The following ZNF652 variants were observed in gnomAD, a reference collection of about 807,000 sequenced individuals.
ZNF652 encodes zinc finger protein 652.
Under a neutral mutation model 45.2 loss-of-function variants are expected in ZNF652, and 16 were observed. The ratio of observed to expected loss-of-function variants is 0.35; its 90% CI spans 0.24 to 0.54. The LOEUF (loss-of-function observed/expected upper bound fraction) is 0.54. ZNF652 is among the 20% of genes least tolerant of loss of function. The pLI is 0.91. For missense variants in ZNF652, 614 were observed against 765.6 expected (o/e 0.80, Z 2.34); for synonymous variants, 250 against 260.6 (o/e 0.96, Z 0.39).
At chr17:49,342,186 C>CA (rs145479796) in intron 1 of ZNF652, among the ~76,000 whole-genome samples, 2,788 of 110,770 alleles carry the variant, frequency 0.025, 37 homozygotes, top group Non-Finnish European at 0.036. Flanking sequence ...GACTCAGTCT[C>CA]AAAAAAAAAA....
intron 1 of ZNF652, among the ~76,000 whole-genome samples, chr17:49,358,587 C>T (rs1406868278): frequency 2.0e-5 from 3 of 152,134 alleles, no homozygotes; most frequent in Non-Finnish European, 4.4e-5. Flanking sequence ...AGGGTGACTT[C>T]AAAAGTTCAC....
rs551063962 is a variant in ZNF652, at chr17:49,341,327, A to G, written c.-259+20582T>C. On this transcript the variant is annotated intron_variant, in intron 1 of 5. Transcript: ENST00000430262. The stretch of plus-strand genomic sequence containing the variant: ...CATTTCAGAGCACATCAACTGAAAA[A>G]AAAAAAGATGGATGGCCTGACAAGG... Among the ~76,000 whole-genome samples, 21 of 152,052 alleles carry G rather than the reference A, an allele frequency of 1.4e-4. No homozygotes were observed. The South Asian group carries it at 3.7e-3, about 27-fold the overall frequency.
intron 1 of ZNF652, among the ~76,000 whole-genome samples, chr17:49,331,117 G>A (rs2070019051): frequency 7.2e-6 from 1 of 139,362 alleles, no homozygotes. Flanking sequence ...GCTTATGAAT[G>A]TGTCTTTTTT....
intron 1 of ZNF652, among the ~76,000 whole-genome samples, chr17:49,338,170 C>T (rs1019606967): frequency 6.7e-6 from 1 of 149,526 alleles, no homozygotes; most frequent in African/African-American, 2.5e-5. Context: ...TTGGTAGAGA[C>T]GGAGTCTTAC....
intron 1 of ZNF652, among the ~76,000 whole-genome samples, chr17:49,333,642 C>T (rs1286587587): frequency 1.4e-5 from 2 of 146,016 alleles, no homozygotes; most frequent in Admixed American, 6.9e-5. Flanking sequence ...ATGGTGTGAA[C>T]CCAGGAGGCG....
In ZNF652 at chr17:49,292,352, T is replaced by C. The variant is rs1014967385; in HGVS notation, c.*6061A>G. Among the ~76,000 whole-genome samples the C allele has an allele frequency of 6.6e-6, 1 of 152,188 alleles. No individual in the cohort carries two copies. The highest frequency in any genetic ancestry group is 2.1e-4 in the South Asian group (1 of 4,834). ...GTTTCATCACGGAGGTGCTCGATCA[T>C]ATTATATAAAACACTGCAACCTCCT... On this transcript the variant is annotated 3_prime_UTR_variant, in exon 6 of 6. Coordinates refer to ENST00000430262, the MANE Select transcript of ZNF652 (RefSeq NM_001145365.3).
At chr17:49,326,496 A>G (rs1178619448) in intron 1 of ZNF652, among the ~76,000 whole-genome samples, 1 of 152,164 alleles carries the variant, frequency 6.6e-6, no homozygotes, top group Non-Finnish European at 1.5e-5. Context: ...CCCCCATTGT[A>G]TATTTTGGAC....
chr17:49,322,721 T>C (rs2069909219), intron 1 of ZNF652, among the ~76,000 whole-genome samples: 1 of 152,036 alleles, frequency 6.6e-6, no homozygotes. Context: ...CCGTCTCTAC[T>C]AAAAATACAA....
At chr17:49,316,559 G>A (rs2069807090) in intron 2 of ZNF652, among the ~76,000 whole-genome samples, 1 of 152,226 alleles carries the variant, frequency 6.6e-6, no homozygotes, top group African/African-American at 2.4e-5. Flanking sequence ...TGCAAAGTTG[G>A]TGTTGATTTT....
At position 49,362,164 on chromosome 17, in the gene ZNF652, CG is replaced by C; in HGVS notation, c.-515del. On this transcript the variant is annotated 5_prime_UTR_variant, in exon 1 of 6. Coordinates refer to ENST00000430262, the MANE Select transcript of ZNF652 (RefSeq NM_001145365.3). ...AGCGCGCGAGGGCGAGCGGGGCCGGCGGGGCGGGCAGCGCGGGGCGGGCGGC... is the reference window on the plus strand; with the variant it reads ...AGCGCGCGAGGGCGAGCGGGGCCGGCGGGCGGGCAGCGCGGGGCGGGCGGC... 6.7e-6 allele frequency: 1 copy of C among 149,970 alleles called. No individual in the cohort carries two copies. Among genetic ancestry groups the C allele is most frequent in the South Asian group, 1.8e-4 (1 of 5,466 alleles). 9.3% of individuals were successfully genotyped at this position (149,970 alleles called of 1,614,324 possible). A position where few individuals can be genotyped will look rare whatever the true frequency, so the allele number is the denominator to read the frequency against.
In ZNF652 at chr17:49,293,659, A is replaced by T. The variant is rs34336566; in HGVS notation, c.*4754T>A. ...TGGCTTATGACCTTTCATTCCTAAAAAAAAAAAAAAAAAAAAAAAAAAAAA... is the reference window on the plus strand; with the variant it reads ...TGGCTTATGACCTTTCATTCCTAAATAAAAAAAAAAAAAAAAAAAAAAAAA... On this transcript the variant is annotated 3_prime_UTR_variant, in exon 6 of 6. Transcript: ENST00000430262. Among the ~76,000 whole-genome samples, 5 of 43,374 alleles carry T rather than the reference A, an allele frequency of 1.2e-4. No individual in the cohort carries two copies. The highest frequency in any genetic ancestry group is 2.3e-4 in the Non-Finnish European group (5 of 21,842). 28.5% of individuals were successfully genotyped at this position (43,374 alleles called of 152,430 possible). A position where few individuals can be genotyped will look rare whatever the true frequency, so the allele number is the denominator to read the frequency against.
At chr17:49,308,801 C>CA (rs79308997) in intron 5 of ZNF652, among the ~76,000 whole-genome samples, 1,243 of 85,080 alleles carry the variant, frequency 0.015, 8 homozygotes, top group African/African-American at 0.035. Flanking sequence ...TAGTCCGTCT[C>CA]AAAAAAAAAA....
At chr17:49,327,766 TATATATATATATA>T (rs1488806348) in intron 1 of ZNF652, among the ~76,000 whole-genome samples, 143 of 5,868 alleles carry the variant, frequency 0.024, 5 homozygotes, top group African/African-American at 0.091. Context: ...TATATATATA[TATATATATATATA>T]TTTTTTTTTT....
At chr17:49,319,569 A>T (rs1183673012) in intron 1 of ZNF652, among the ~76,000 whole-genome samples, 1 of 134,912 alleles carries the variant, frequency 7.4e-6, no homozygotes, top group Admixed American at 8.3e-5. Flanking sequence ...GGAGGCGGAG[A>T]TTGTAATGAG....
intron 1 of ZNF652, among the ~76,000 whole-genome samples, chr17:49,352,270 C>T (rs1598318168): frequency 6.6e-6 from 1 of 151,152 alleles, no homozygotes; most frequent in African/African-American, 2.4e-5. Context: ...GCAAACAAAT[C>T]TCTCGTCTTC....
At chr17:49,330,783 G>A (rs1004671106) in intron 1 of ZNF652, among the ~76,000 whole-genome samples, 3 of 152,050 alleles carry the variant, frequency 2.0e-5, no homozygotes, top group Admixed American at 6.6e-5. Context: ...GGGCACAGTG[G>A]CTGACACCTG....
At chr17:49,338,277 C>T (rs2143871171) in intron 1 of ZNF652, among the ~76,000 whole-genome samples, 1 of 152,120 alleles carries the variant, frequency 6.6e-6, no homozygotes, top group African/African-American at 2.4e-5. Context: ...TCAGCCACTG[C>T]ACTCCACCAG....
rs749317981 is a variant in ZNF652, at chr17:49,298,657, G to C, written c.1577C>G (p.Pro526Arg). The C allele has an allele frequency of 3.1e-6, 5 of 1,613,944 alleles. No homozygotes were observed. Among genetic ancestry groups the C allele is most frequent in the Non-Finnish European group, 4.2e-6 (5 of 1,179,992 alleles). The change falls in exon 6 of 6, where the codon CCA becomes CGA. Residue 526 changes from proline to arginine, a missense_variant. Physicochemically the swap from Pro to Arg is moderately radical, Grantham distance 103 (BLOSUM62 -2). Around this residue, in one of 5 missense-constraint regions of ZNF652, gnomAD observed 132 missense variants for 137.2 expected, o/e 0.96. Coordinates refer to ENST00000430262, the MANE Select transcript of ZNF652 (RefSeq NM_001145365.3). ...AGGATTCATATTGATTGGAGGGGTT[G>C]GGGTTGTGGCTGTGTTCACCACAGA... ...VPSVVNTATT[P>R]TPPINMNPVS...
At chr17:49,356,428 G>GAAAA (rs1491432973) in intron 1 of ZNF652, among the ~76,000 whole-genome samples, 5 of 4,648 alleles carry the variant, frequency 1.1e-3, no homozygotes, top group Non-Finnish European at 2.0e-3. Flanking sequence ...GACTCTGTCT[G>GAAAA]CAAAAAAAAA....
Sources: gnomAD v4.1 joint callset for allele counts (sites outside exome capture counted in the v4.1 genomes callset) on GRCh38, gnomAD v4.1.1 for gene constraint, gnomAD v4.1.1 regional missense constraint, MANE v1.5 for transcripts, NCBI Gene and HGNC (gene_info 2026-07-23, HGNC 2026-07-21) for gene names.